The following CLASP2 variants were observed in gnomAD, a reference collection of about 807,000 sequenced individuals.
The protein encoded by CLASP2 is cytoplasmic linker associated protein 2, also known as CLIP-associating protein 2.
A neutral mutation model predicts 194.4 loss-of-function variants in CLASP2; 47 were observed. That is an observed-to-expected ratio of 0.24 (90% CI 0.19 to 0.31). CLASP2 has a LOEUF of 0.31. CLASP2 is among the 10% of genes least tolerant of loss of function. The pLI, the probability that CLASP2 is intolerant of heterozygous loss-of-function variation, is 1.00. For synonymous variants in CLASP2, 619 were observed against 633.5 expected (o/e 0.98, Z 0.34); for missense variants, 1,445 against 1,823.6 (o/e 0.79, Z 3.78).
chr3:33,688,248 C>A, intron 4 of CLASP2, 29 bp downstream of exon 4: 2 of 1,472,700 alleles, frequency 1.4e-6, no homozygotes, highest in Non-Finnish European at 9.1e-7. Flanking sequence ...AAAAACAAGA[C>A]AGTTATTTTC....
intron 21 of CLASP2, chr3:33,588,734 G>C: frequency 1.4e-6 from 1 of 702,340 alleles, no homozygotes; most frequent in Non-Finnish European, 2.6e-6. Flanking sequence ...TTGTGATCCT[G>C]AACAAGTGTA....
rs1375084652 is a variant in CLASP2, at chr3:33,496,272, A to G, written c.*2359T>C. ...TTACAATCTGGAATATATAATTTTA[A>G]TTAGTTCTCAGCAGTGCAGTAAATG... is the stretch of plus-strand genomic sequence containing the variant. On this transcript the variant is annotated 3_prime_UTR_variant, in exon 39 of 39. Transcript: ENST00000682230. The G allele has an allele frequency of 6.6e-6, 1 of 152,220 alleles. No individual in the cohort carries two copies. The highest frequency in any genetic ancestry group is 1.5e-5 in the Non-Finnish European group (1 of 68,034). 9.4% of individuals were successfully genotyped at this position (152,220 alleles called of 1,614,324 possible).
At chr3:33,553,624 G>C (rs907329017) in intron 29 of CLASP2, among the ~76,000 whole-genome samples, 11 of 152,264 alleles carry the variant, frequency 7.2e-5, no homozygotes, top group Admixed American at 1.3e-4. Context: ...GTATTCATCA[G>C]GGAAAGGCAA....
intron 1 of CLASP2, among the ~76,000 whole-genome samples, chr3:33,704,163 T>C (rs2092549472): frequency 6.6e-6 from 1 of 152,160 alleles, no homozygotes. Flanking sequence ...ATGTTAAGTA[T>C]ATTTATCAAA....
chr3:33,600,368 T>A (rs931424220), intron 18 of CLASP2, among the ~76,000 whole-genome samples: 1 of 152,208 alleles, frequency 6.6e-6, no homozygotes, highest in Non-Finnish European at 1.5e-5. Context: ...ATTCTCTTTA[T>A]CAGGTTGAGA....
In CLASP2 at chr3:33,718,242, T is replaced by C. The variant is rs1030372535; in HGVS notation, c.-240A>G. On this transcript the variant is annotated 5_prime_UTR_variant, in exon 1 of 39. Transcript: ENST00000682230. ...TCAGAGGCCGCGGCCGCGGGCGACG[T>C]CAGCACGCGCGTGACGTCAGCACGA... is the stretch of plus-strand genomic sequence containing the variant. The C allele has an allele frequency of 2.0e-5, 4 of 201,068 alleles. No homozygotes were observed. Among genetic ancestry groups the C allele is most frequent in the African/African-American group, 4.8e-5 (2 of 42,020 alleles). 12.5% of individuals were successfully genotyped at this position (201,068 alleles called of 1,614,324 possible).
intron 7 of CLASP2, among the ~76,000 whole-genome samples, chr3:33,661,844 A>G (rs1009196814): frequency 6.6e-6 from 1 of 152,206 alleles, no homozygotes; most frequent in African/African-American, 2.4e-5. Flanking sequence ...AAAACAGGGA[A>G]GAGGAGGCCT....
At chr3:33,529,336 T>C (rs1404539757) in intron 34 of CLASP2, among the ~76,000 whole-genome samples, 4 of 152,140 alleles carry the variant, frequency 2.6e-5, no homozygotes, top group Non-Finnish European at 5.9e-5. Flanking sequence ...AAAATTCATA[T>C]GGAACCAAAA....
At chr3:33,603,216 T>C (rs2072776225) in intron 17 of CLASP2, 91 bp from the exon 18 acceptor site, 4 of 1,342,458 alleles carry the variant, frequency 3.0e-6, no homozygotes, top group Non-Finnish European at 4.0e-6. Context: ...GCTAATCTGA[T>C]GACAAATGGT....
chr3:33,505,563 CA>C (rs2047945850), intron 37 of CLASP2: 1 of 151,922 alleles, frequency 6.6e-6, no homozygotes, highest in Non-Finnish European at 1.5e-5. Flanking sequence ...CTGAGCTGGC[CA>C]AAATGAATAG....
chr3:33,716,836 G>T (rs2093321928), intron 1 of CLASP2, among the ~76,000 whole-genome samples: 1 of 152,188 alleles, frequency 6.6e-6, no homozygotes, highest in Admixed American at 6.5e-5. Flanking sequence ...TCTAGAGTTT[G>T]TCTTTCTTCT....
intron 27 of CLASP2, among the ~76,000 whole-genome samples, chr3:33,562,964 T>C (rs1390864690): frequency 1.3e-5 from 2 of 152,204 alleles, no homozygotes; most frequent in African/African-American, 2.4e-5. Context: ...AAATTCTCCA[T>C]TGACTCTTCC....
chr3:33,572,716 T>A (rs2064024682), intron 25 of CLASP2, among the ~76,000 whole-genome samples: 1 of 152,142 alleles, frequency 6.6e-6, no homozygotes, highest in Non-Finnish European at 1.5e-5. Context: ...TAAGAATATA[T>A]CTTCATTTCC....
chr3:33,716,292 C>T (rs1392192631), intron 1 of CLASP2, among the ~76,000 whole-genome samples: 1 of 152,134 alleles, frequency 6.6e-6, no homozygotes, highest in Non-Finnish European at 1.5e-5. Flanking sequence ...GGATGAGACC[C>T]CTGATGGATT....
chr3:33,704,205 C>T (rs905672167), intron 1 of CLASP2, among the ~76,000 whole-genome samples: 9 of 152,024 alleles, frequency 5.9e-5, no homozygotes, highest in Admixed American at 5.9e-4. Context: ...TAGAGTGAAG[C>T]CTAATGTAAA....
chr3:33,608,128 G>A (rs1007897439), intron 14 of CLASP2, among the ~76,000 whole-genome samples: 15 of 152,148 alleles, frequency 9.9e-5, no homozygotes, highest in Non-Finnish European at 1.2e-4. Context: ...ACATTGCCCA[G>A]TATATACTTG....
In CLASP2 at chr3:33,511,531, T is replaced by G. The variant is rs181670849; in HGVS notation, c.4111-767A>C. Among the ~76,000 whole-genome samples, 4 of 152,242 alleles carry G rather than the reference T, an allele frequency of 2.6e-5. No individual in the cohort carries two copies. In the East Asian group the frequency reaches 5.8e-4, roughly 22 times the overall value. ...AATGAGAAATAAAATATAAAAATAA[T>G]ATGATTAATGTGTTGTCAAAAGTTA... is the stretch of plus-strand genomic sequence containing the variant. On this transcript the variant is annotated intron_variant, in intron 36 of 38. Coordinates refer to ENST00000682230, the MANE Select transcript of CLASP2 (RefSeq NM_001365631.1).
intron 6 of CLASP2, among the ~76,000 whole-genome samples, chr3:33,684,025 C>T (rs2090250161): frequency 6.6e-6 from 1 of 151,456 alleles, no homozygotes; most frequent in Non-Finnish European, 1.5e-5. Context: ...GGGTGGATCA[C>T]CTGAGGTTGA....
chr3:33,600,193 T>C (rs2071670088), intron 18 of CLASP2, among the ~76,000 whole-genome samples: 1 of 152,130 alleles, frequency 6.6e-6, no homozygotes, highest in Non-Finnish European at 1.5e-5. Flanking sequence ...ATACCTTCTA[T>C]TTATTTTCTT....
Sources: gnomAD v4.1 joint callset for allele counts (sites outside exome capture counted in the v4.1 genomes callset) on GRCh38, gnomAD v4.1.1 for gene constraint, MANE v1.5 for transcripts, NCBI Gene and HGNC (gene_info 2026-07-23, HGNC 2026-07-21) for gene names.